The following DCUN1D2 variants were observed in gnomAD, a reference collection of about 807,000 sequenced individuals.
The protein encoded by DCUN1D2 is DCN1-like protein 2.
Under a neutral mutation model 30.9 loss-of-function variants are expected in DCUN1D2, and 29 were observed. The ratio of observed to expected loss-of-function variants is 0.94; its 90% CI spans 0.70 to 1.28. DCUN1D2 has a LOEUF of 1.28. DCUN1D2 is among the 50% of genes most tolerant of loss of function. The probability of loss-of-function intolerance (pLI) is 0.00; values close to 1 mark genes in which losing one functional copy is unlikely to be tolerated. For missense variants in DCUN1D2, 325 were observed against 316.9 expected (o/e 1.03, Z -0.19); for synonymous variants, 121 against 115.3 (o/e 1.05, Z -0.32).
In DCUN1D2 at chr13:113,457,910, G is replaced by A; in HGVS notation, c.*119C>T. 9 of 978,872 alleles carry A rather than the reference G, an allele frequency of 9.2e-6. No homozygotes were observed. In the South Asian group the frequency reaches 9.9e-5, roughly 11 times the overall value. 60.6% of individuals were successfully genotyped at this position (978,872 alleles called of 1,614,324 possible). On this transcript the variant is annotated 3_prime_UTR_variant, in exon 7 of 7. Transcript: ENST00000478244. ...TCCGGCAGAATGGGATGGCGCCTCT[G>A]GTTTCATGGCTGGTCAAGAATGACT...
chr13:113,489,247 CA>C (rs2044870066), intron 1 of DCUN1D2: 1 of 639,340 alleles, frequency 1.6e-6, no homozygotes, highest in Non-Finnish European at 1.9e-6. Context: ...CGCTCCTCTC[CA>C]GCATCCTGAA....
intron 4 of DCUN1D2, among the ~76,000 whole-genome samples, chr13:113,467,141 C>A (rs539095244): frequency 6.6e-6 from 1 of 151,978 alleles, no homozygotes. Flanking sequence ...TTTTTTCCCC[C>A]ACACAATATA....
At chr13:113,463,752 C>T (rs1392537665) in intron 4 of DCUN1D2, among the ~76,000 whole-genome samples, 1 of 151,122 alleles carries the variant, frequency 6.6e-6, no homozygotes, top group Non-Finnish European at 1.5e-5. Context: ...ACACAGATAC[C>T]CACAAAGAGA....
At chr13:113,489,950 G>A (rs1371141817) in intron 1 of DCUN1D2, among the ~76,000 whole-genome samples, 2 of 151,972 alleles carry the variant, frequency 1.3e-5, no homozygotes, top group Non-Finnish European at 2.9e-5. Context: ...CTCCCTCAAC[G>A]CCAAGATCAT....
chr13:113,472,952 C>T (rs1055810388), intron 4 of DCUN1D2, among the ~76,000 whole-genome samples: 8 of 151,176 alleles, frequency 5.3e-5, no homozygotes, highest in Admixed American at 3.9e-4. Context: ...TGTCCCCCTG[C>T]GCCTCTGCTC....
At chr13:113,469,954 T>C (rs1222021720) in intron 4 of DCUN1D2, among the ~76,000 whole-genome samples, 1 of 151,998 alleles carries the variant, frequency 6.6e-6, no homozygotes, top group African/African-American at 2.4e-5. Flanking sequence ...TAGGAAAACT[T>C]AGTAATGAGG....
rs1039078501 is a variant in DCUN1D2, at chr13:113,490,218, C to G, written c.3+449G>C. Among the ~76,000 whole-genome samples the G allele has an allele frequency of 6.6e-6, 1 of 152,214 alleles. No homozygotes were observed. The highest frequency in any genetic ancestry group is 2.4e-5 in the African/African-American group (1 of 41,466). On this transcript the variant is annotated intron_variant, in intron 1 of 6. Transcript: ENST00000478244. The surrounding 1 kb of genome is among the most constrained non-coding windows in gnomAD (Gnocchi z 5.2). Reference sequence around the variant, plus strand: ...CCCCTCCCGGCAGCAGGGCCTCCCCCGCGAATCTGAGCTTCTCGCGGATTC... The same window carrying G: ...CCCCTCCCGGCAGCAGGGCCTCCCCGGCGAATCTGAGCTTCTCGCGGATTC...
chr13:113,472,405 A>C (rs2044535351), intron 4 of DCUN1D2, among the ~76,000 whole-genome samples: 1 of 152,228 alleles, frequency 6.6e-6, no homozygotes, highest in East Asian at 1.9e-4. Context: ...GGCTTCTTGG[A>C]GAAAAAGCGA....
intron 1 of DCUN1D2, among the ~76,000 whole-genome samples, chr13:113,485,432 C>T (rs2044785011): frequency 6.6e-6 from 1 of 152,192 alleles, no homozygotes; most frequent in African/African-American, 2.4e-5. Context: ...AGGCTCCAAG[C>T]TTCCCCAGTG....
Position 113,483,968 on chromosome 13 carries a change from G to A in DCUN1D2, c.92C>T (p.Thr31Met), listed in dbSNP as rs1393797005. ...CTCGTCTAGTCTCCACTCATTCTGC[G>A]TTAAGCAGTAGATAGCAGTTCTCTC... ...AGERTAIYCLTQNEWRLDEAT... is the reference protein window; with the variant it reads ...AGERTAIYCLMQNEWRLDEAT... The change falls in exon 2 of 7, where the codon ACG (threonine) becomes ATG (methionine). Residue 31 changes from threonine to methionine, a missense_variant. By Grantham distance (81) the Thr-to-Met change is moderately conservative (BLOSUM62 -1). Transcript: ENST00000478244. 3.7e-6 allele frequency: 6 copies of A among 1,614,224 alleles called. No individual in the cohort carries two copies. Among genetic ancestry groups the A allele is most frequent in the South Asian group, 1.1e-5 (1 of 91,088 alleles).
intron 2 of DCUN1D2, among the ~76,000 whole-genome samples, chr13:113,481,301 C>G (rs1036104024): frequency 2.6e-5 from 4 of 152,078 alleles, no homozygotes; most frequent in Admixed American, 2.0e-4. Flanking sequence ...CCCCCTATTT[C>G]TAGTTTAGAA....
chr13:113,477,691 G>C (rs1327953461), intron 3 of DCUN1D2, among the ~76,000 whole-genome samples: 2 of 147,514 alleles, frequency 1.4e-5, no homozygotes, highest in Non-Finnish European at 3.0e-5. Context: ...CTTATTCTTA[G>C]TTTTCTATGA....
chr13:113,467,696 T>C (rs1276552944), intron 4 of DCUN1D2, among the ~76,000 whole-genome samples: 1 of 152,136 alleles, frequency 6.6e-6, no homozygotes. Context: ...CTCAAGAAAT[T>C]AAACAGAATT....
chr13:113,471,940 C>T (rs565017309), intron 4 of DCUN1D2, among the ~76,000 whole-genome samples: 42 of 152,152 alleles, frequency 2.8e-4, no homozygotes, highest in Non-Finnish European at 5.0e-4. Context: ...CAAAGACCAC[C>T]CACAACGACA....
In DCUN1D2 at chr13:113,456,457, C is replaced by A. The variant is rs990274410; in HGVS notation, c.*1572G>T. The A allele has an allele frequency of 5.0e-6, 2 of 398,512 alleles. No homozygotes were observed. The highest frequency in any genetic ancestry group is 4.1e-5 in the African/African-American group (2 of 48,648). The allele number at this position is 398,512 out of a possible 1,614,324, so 24.7% of individuals were successfully genotyped here. A position where few individuals can be genotyped will look rare whatever the true frequency, so the allele number is the denominator to read the frequency against. On this transcript the variant is annotated 3_prime_UTR_variant, in exon 7 of 7. Transcript: ENST00000478244. Reference sequence around the variant, plus strand: ...AGCCAACCCAGCTGCTTGTCTGGGCCATGCTCTCTCACACCGCAGCTAGGT... The same window carrying A: ...AGCCAACCCAGCTGCTTGTCTGGGCAATGCTCTCTCACACCGCAGCTAGGT...
At position 113,483,892 on chromosome 13, in the gene DCUN1D2, C is replaced by A. The variant is rs779903081; in HGVS notation, c.168G>T (p.Met56Ile). The change falls in exon 2 of 7, where the codon ATG (methionine) becomes ATT (isoleucine). Residue 56 changes from methionine (M) to isoleucine (I), a missense_variant. Transcript: ENST00000478244. Reference sequence around the variant, plus strand: ...GCTTCTTCTTGTCCACAGCGTTCCGCATGGACTCCCTGTGGAGCGAGTCTG... The same window carrying A: ...GCTTCTTCTTGTCCACAGCGTTCCGAATGGACTCCCTGTGGAGCGAGTCTG... ...QNPDSLHRES[M>I]RNAVDKKKLE... The A allele has an allele frequency of 6.2e-7, 1 of 1,613,754 alleles. No individual in the cohort carries two copies. Among genetic ancestry groups the A allele is most frequent in the African/African-American group, 1.3e-5 (1 of 75,060 alleles).
At chr13:113,461,694 T>C (rs2044320612) in intron 4 of DCUN1D2, among the ~76,000 whole-genome samples, 1 of 151,628 alleles carries the variant, frequency 6.6e-6, no homozygotes, top group African/African-American at 2.4e-5. Flanking sequence ...GCGTTCTCAC[T>C]GATGCATCTA....
intron 6 of DCUN1D2, among the ~76,000 whole-genome samples, chr13:113,459,012 G>A (rs754144354): frequency 1.4e-4 from 21 of 152,174 alleles, no homozygotes; most frequent in Admixed American, 2.0e-4. Flanking sequence ...GGCATCATGC[G>A]GGACTGAGAA....
At chr13:113,459,169 G>T in intron 6 of DCUN1D2, 143 bp downstream of exon 6, 8 of 558,724 alleles carry the variant, frequency 1.4e-5, no homozygotes, top group Non-Finnish European at 2.0e-5. Flanking sequence ...TCTTTTGTAT[G>T]ATTTACAGAA....
Sources: allele counts gnomAD v4.1 joint callset (sites outside exome capture counted in the v4.1 genomes callset), GRCh38; gene constraint gnomAD v4.1.1; non-coding constraint Gnocchi (gnomAD v3.1); transcripts MANE v1.5; gene names NCBI Gene and HGNC (gene_info 2026-07-23, HGNC 2026-07-21).